ZNF487: variants seen among roughly 807,000 people sequenced by gnomAD.
The protein encoded by ZNF487 is KRAB domain only 1.
A neutral mutation model predicts 3.0 loss-of-function variants in ZNF487; 4 were observed. That is an observed-to-expected ratio of 1.35 (90% confidence interval 0.66 to 3.08). The LOEUF (loss-of-function observed/expected upper bound fraction) is 3.08. Among genes scored for constraint, ZNF487 ranks in the 30% most tolerant of loss-of-function variants. The pLI is 0.01. For synonymous variants in ZNF487, 55 were observed against 34.6 expected (o/e 1.59, Z -2.06); for missense variants, 146 against 98.7 (o/e 1.48, Z -2.03).
intron 1 of ZNF487, among the ~76,000 whole-genome samples, chr10:43,450,587 T>C (rs570254788): frequency 6.6e-6 from 1 of 152,210 alleles, no homozygotes; most frequent in African/African-American, 2.4e-5. Context: ...TGACCTCAGG[T>C]GATCTGCCCG....
rs12773661 is a variant in ZNF487 at position 43,446,780 on chromosome 10, C to G, written c.-94+9518C>G. The stretch of plus-strand genomic sequence containing the variant: ...GGCCAGGCAGAGACGCTCCTCACTT[C>G]CTAGACCGGGTGGCGGCTGGGAAGA... On this transcript the variant is annotated intron_variant, in intron 1 of 3. Transcript: ENST00000437590. Among the ~76,000 whole-genome samples the G allele has an allele frequency of 4.7e-3, 718 of 152,304 alleles. 1 individual carries two copies. The highest frequency in any genetic ancestry group is 7.2e-3 in the Non-Finnish European group (491 of 68,028).
At chr10:43,523,718 G>C in the ZNF487 span, 1 of 152,668 alleles carries the variant, frequency 6.6e-6, no homozygotes, top group African/African-American at 2.4e-5. Flanking sequence ...TGTGCTTCTG[G>C]GAGAAACCTT....
rs546181537 is a variant in ZNF487 at position 43,481,675 on chromosome 10, A to T, written c.377A>T (p.Asn126Ile). 1.4e-6 allele frequency: 1 copy of T among 701,248 alleles called. No individual in the cohort carries two copies. The highest frequency in any genetic ancestry group is 2.7e-5 in the East Asian group (1 of 37,214). 43.4% of individuals were successfully genotyped at this position (701,248 alleles called of 1,614,324 possible). A position where few individuals can be genotyped will look rare whatever the true frequency, so the allele number is the denominator to read the frequency against. The change falls in exon 4 of 4, where the codon AAC becomes ATC. Residue 126 changes from asparagine (N) to isoleucine (I), a missense_variant. Physicochemically the swap from Asn to Ile is moderately radical, Grantham distance 149 (BLOSUM62 -3). Transcript: ENST00000437590. Reference sequence around the variant, plus strand: ...AGTAATAGAAGCTCCTTTGTAAGGAACCCTGCTGAGTGTAATGTACGTGGG... The same window carrying T: ...AGTAATAGAAGCTCCTTTGTAAGGATCCCTGCTGAGTGTAATGTACGTGGG... ...IISNRSSFVR[N>I]PAECNVRGKF...
chr10:43,497,191 A>G, the ZNF487 span, among the ~76,000 whole-genome samples: 1 of 152,212 alleles, frequency 6.6e-6, no homozygotes, highest in Non-Finnish European at 1.5e-5. Flanking sequence ...TTATTAATTT[A>G]CATGCCAGTT....
chr10:43,497,616 C>T, the ZNF487 span, among the ~76,000 whole-genome samples: 1 of 152,018 alleles, frequency 6.6e-6, no homozygotes, highest in Non-Finnish European at 1.5e-5. Flanking sequence ...AAGGTGTTCC[C>T]CAAACAGGAT....
chr10:43,471,990 T>A (rs1273427375), intron 1 of ZNF487, among the ~76,000 whole-genome samples: 1 of 152,214 alleles, frequency 6.6e-6, no homozygotes, highest in Non-Finnish European at 1.5e-5. Context: ...ATTTAACTTG[T>A]ATCTTGGCTT....
chr10:43,506,368 G>A, the ZNF487 span, among the ~76,000 whole-genome samples: 1 of 151,996 alleles, frequency 6.6e-6, no homozygotes, highest in Non-Finnish European at 1.5e-5. Context: ...AAATTAATAG[G>A]GCATGCACAC....
intron 1 of ZNF487, among the ~76,000 whole-genome samples, chr10:43,471,204 T>G (rs1160262246): frequency 6.6e-6 from 1 of 152,122 alleles, no homozygotes; most frequent in East Asian, 1.9e-4. Context: ...GCTCAACCCC[T>G]TGCAGGATGG....
At chr10:43,473,212 ATTC>A (rs1417600371) in intron 1 of ZNF487, among the ~76,000 whole-genome samples, 1 of 149,956 alleles carries the variant, frequency 6.7e-6, no homozygotes, top group Non-Finnish European at 1.5e-5. Flanking sequence ...GGTTCAAGCA[ATTC>A]TTCTGCCTCA....
intron 1 of ZNF487, among the ~76,000 whole-genome samples, chr10:43,443,973 C>T (rs1031298141): frequency 2.6e-5 from 4 of 151,984 alleles, no homozygotes; most frequent in Admixed American, 6.6e-5. Context: ...CTGCCTCAGC[C>T]TCCTGAGTAA....
At chr10:43,464,904 G>C (rs867056658) in intron 1 of ZNF487, among the ~76,000 whole-genome samples, 1 of 152,144 alleles carries the variant, frequency 6.6e-6, no homozygotes, top group Non-Finnish European at 1.5e-5. Flanking sequence ...CAGACGGGGT[G>C]GTGGCCGGGC....
intron 3 of ZNF487, among the ~76,000 whole-genome samples, chr10:43,480,655 A>G (rs542538303): frequency 1.3e-5 from 2 of 150,938 alleles, no homozygotes; most frequent in East Asian, 3.9e-4. Context: ...ACTTCAGGTG[A>G]TCCACCTTCC....
Position 43,481,950 on chromosome 10 carries a change from C to T in ZNF487, c.*28C>T, listed in dbSNP as rs111712724. On this transcript the variant is annotated 3_prime_UTR_variant, in exon 4 of 4. Transcript: ENST00000437590. Reference sequence around the variant, plus strand: ...ATAATGAACATGTGAGAGCCTTTTCCGATAGACCAATATTCATTGTTCATC... The same window carrying T: ...ATAATGAACATGTGAGAGCCTTTTCTGATAGACCAATATTCATTGTTCATC... 6.7e-4 allele frequency: 411 copies of T among 616,050 alleles called. 1 individual carries two copies. The highest frequency in any genetic ancestry group is 9.9e-4 in the Non-Finnish European group (345 of 347,342). 38.2% of individuals were successfully genotyped at this position (616,050 alleles called of 1,614,324 possible). A position where few individuals can be genotyped will look rare whatever the true frequency, so the allele number is the denominator to read the frequency against.
intron 1 of ZNF487, among the ~76,000 whole-genome samples, chr10:43,440,682 CAG>C (rs1839568137): frequency 6.6e-6 from 1 of 151,596 alleles, no homozygotes; most frequent in African/African-American, 2.4e-5. Context: ...AAAAAAGAAA[CAG>C]AAGACTACCC....
At chr10:43,465,077 C>G (rs988560171) in intron 1 of ZNF487, among the ~76,000 whole-genome samples, 2 of 132,948 alleles carry the variant, frequency 1.5e-5, no homozygotes, top group African/African-American at 5.7e-5. Context: ...CCCGGGGCGG[C>G]TGGCCGGGCG....
intron 1 of ZNF487, among the ~76,000 whole-genome samples, chr10:43,470,738 G>T (rs1363257502): frequency 6.6e-6 from 1 of 152,118 alleles, no homozygotes; most frequent in Non-Finnish European, 1.5e-5. Context: ...AGGCTGGTGT[G>T]GAAGTCCTGG....
At chr10:43,455,010 AC>A (rs1840128176) in intron 1 of ZNF487, among the ~76,000 whole-genome samples, 1 of 132,232 alleles carries the variant, frequency 7.6e-6, no homozygotes, top group African/African-American at 2.8e-5. Flanking sequence ...TTTAGTTTGC[AC>A]TTTTTTTTTT....
At chr10:43,438,443 C>T (rs1839463291) in intron 1 of ZNF487, among the ~76,000 whole-genome samples, 1 of 152,118 alleles carries the variant, frequency 6.6e-6, no homozygotes, top group South Asian at 2.1e-4. Flanking sequence ...GCCTCAGCCC[C>T]CCAAAGTGCT....
In ZNF487 at chr10:43,469,565, T is replaced by C. The variant is rs147734449; in HGVS notation, c.-93-6156T>C. On this transcript the variant is annotated intron_variant, in intron 1 of 3. Transcript: ENST00000437590. ...TATGTTGCCCAGGCTGATCTTGGGC[T>C]CCTTGGTTCAAATGATCCTCCCACT... 8.2e-3 allele frequency among the ~76,000 whole-genome samples: 1,253 copies of C among 152,082 alleles called. 9 individuals are homozygous for C. Among genetic ancestry groups the C allele is most frequent in the Non-Finnish European group, 0.014 (949 of 67,986 alleles).
Sources: allele counts gnomAD v4.1 joint callset (sites outside exome capture counted in the v4.1 genomes callset), GRCh38; gene constraint gnomAD v4.1.1; transcripts MANE v1.5; gene names NCBI Gene and HGNC (gene_info 2026-07-23, HGNC 2026-07-21).